Variants in MAPT observed in about 807,000 individuals in gnomAD.
MAPT encodes microtubule-associated protein tau.
A neutral mutation model predicts 67.9 loss-of-function variants in MAPT; 34 were observed. The ratio of observed to expected loss-of-function variants is 0.50; its 90% CI spans 0.38 to 0.67. The LOEUF is 0.67. MAPT is among the 30% of genes least tolerant of loss of function. The probability of loss-of-function intolerance (pLI) is 0.00; values close to 1 mark genes in which losing one functional copy is unlikely to be tolerated. For missense variants in MAPT, 881 were observed against 1,115.2 expected (o/e 0.79, Z 2.99); for synonymous variants, 456 against 464.5 (o/e 0.98, Z 0.23).
chr17:45,964,333 A>T (rs2070797185), intron 2 of MAPT, among the ~76,000 whole-genome samples: 1 of 148,792 alleles, frequency 6.7e-6, no homozygotes, highest in Non-Finnish European at 1.5e-5. Context: ...CATTAGGTAT[A>T]TCTCCTAATG....
intron 7 of MAPT, chr17:45,990,542 A>G (rs1043146047): frequency 2.3e-6 from 1 of 440,602 alleles, no homozygotes; most frequent in Non-Finnish European, 4.5e-6. Context: ...CTTGAACCCC[A>G]GAGGCAGAGG....
chr17:45,945,383 TC>T (rs570860484), intron 1 of MAPT, among the ~76,000 whole-genome samples: 34 of 152,286 alleles, frequency 2.2e-4, no homozygotes, highest in Admixed American at 1.5e-3. Flanking sequence ...TAAAAGCCAA[TC>T]CCTCCCCCTC....
intron 1 of MAPT, among the ~76,000 whole-genome samples, chr17:45,946,615 A>AAAAAAAATATATATATATATATATATAT: frequency 1.0e-5 from 1 of 100,402 alleles, no homozygotes. Flanking sequence ...AAAAAAAAAA[A>AAAAAAAATATATATATATATATATATAT]ATATATATAT....
chr17:45,964,439 G>A (rs557157191), intron 2 of MAPT, among the ~76,000 whole-genome samples: 3 of 147,184 alleles, frequency 2.0e-5, no homozygotes, highest in South Asian at 4.3e-4. Context: ...CAGCACTTTG[G>A]GAGGCTGCGG....
intron 1 of MAPT, among the ~76,000 whole-genome samples, chr17:45,904,123 TATATATTATATATG>T: frequency 2.9e-5 from 1 of 34,086 alleles, no homozygotes; most frequent in Non-Finnish European, 5.1e-5. Flanking sequence ...TATTATATAT[TATATATTATATATG>T]TATATATTAT....
At chr17:45,904,137 GTATATATTATATATGT>G (rs1376837759) in intron 1 of MAPT, among the ~76,000 whole-genome samples, 2 of 16,790 alleles carry the variant, frequency 1.2e-4, no homozygotes, top group Non-Finnish European at 2.2e-4. Context: ...TATTATATAT[GTATATATTATATATGT>G]TATATATTAT....
chr17:45,923,193 T>C (rs957794882), intron 1 of MAPT, among the ~76,000 whole-genome samples: 2 of 152,208 alleles, frequency 1.3e-5, no homozygotes, highest in African/African-American at 2.4e-5. Flanking sequence ...TAATAAATGC[T>C]AAGTCTCTCC....
At chr17:45,937,332 A>C (rs959901887) in intron 1 of MAPT, among the ~76,000 whole-genome samples, 5 of 152,154 alleles carry the variant, frequency 3.3e-5, no homozygotes, top group Non-Finnish European at 5.9e-5. Context: ...TCATGCCTGC[A>C]ATCCTAGCAC....
In MAPT at chr17:46,023,949, C is replaced by CTTG; in HGVS notation, c.2287-6_2287-4dup. ...ATCTCACCCTCCCTCCCTTCCTCTTCTTGCAGATTGAAACCCACAAGCTGA... is the reference window on the plus strand; with the variant it reads ...ATCTCACCCTCCCTCCCTTCCTCTTCTTGTTGCAGATTGAAACCCACAAGCTGA... On this transcript the variant is annotated splice_polypyrimidine_tract_variant and splice_region_variant and intron_variant, in intron 12 of 12. Transcript: ENST00000262410. The CTTG allele has an allele frequency of 6.2e-7, 1 of 1,613,394 alleles. No homozygotes were observed.
intron 1 of MAPT, among the ~76,000 whole-genome samples, chr17:45,936,653 A>G (rs551504229): frequency 1.2e-4 from 18 of 152,308 alleles, no homozygotes; most frequent in African/African-American, 4.1e-4. Flanking sequence ...ATTTTGATTT[A>G]AAGTGATCTT....
intron 1 of MAPT, chr17:45,898,053 A>G (rs9900655): frequency 6.6e-6 from 1 of 152,258 alleles, no homozygotes; most frequent in African/African-American, 2.4e-5. Context: ...CCCTCTACGT[A>G]AACAAATTAA....
rs1429637470 is a variant in MAPT at position 46,027,089 on chromosome 17, AG to A, written c.*2919del. 3.3e-5 allele frequency: 5 copies of A among 152,222 alleles called. No individual in the cohort carries two copies. The highest frequency in any genetic ancestry group is 1.3e-4 in the Admixed American group (2 of 15,278). The allele number at this position is 152,222 out of a possible 1,614,324, so 9.4% of individuals were successfully genotyped here. A position where few individuals can be genotyped will look rare whatever the true frequency, so the allele number is the denominator to read the frequency against. ...TGAGAAGGAGAAGGAAATGTGGGGT[AG>A]ATTTGGTGGTGGTTAGAGATATGCC... On this transcript the variant is annotated 3_prime_UTR_variant, in exon 13 of 13. Coordinates refer to ENST00000262410, the MANE Select transcript of MAPT (RefSeq NM_001377265.1).
intron 12 of MAPT, among the ~76,000 whole-genome samples, chr17:46,023,228 G>A (rs1046157703): frequency 5.3e-5 from 8 of 152,306 alleles, no homozygotes; most frequent in African/African-American, 1.7e-4. Context: ...CCACTTACAC[G>A]TGTGTGACAT....
At chr17:45,949,182 T>C (rs242561) in intron 1 of MAPT, among the ~76,000 whole-genome samples, 128,001 of 152,330 alleles carry the variant, frequency 0.84, 54,158 homozygotes, top group East Asian at 1. Context: ...GGGGCGATTC[T>C]GCTGAGTCAC....
intron 1 of MAPT, among the ~76,000 whole-genome samples, chr17:45,937,159 C>A (rs1466762518): frequency 6.6e-6 from 1 of 152,166 alleles, no homozygotes; most frequent in Non-Finnish European, 1.5e-5. Flanking sequence ...TCTTTGTACC[C>A]CCACTGTTGC....
intron 1 of MAPT, among the ~76,000 whole-genome samples, chr17:45,908,918 G>A (rs1380112721): frequency 1.3e-5 from 2 of 152,174 alleles, no homozygotes; most frequent in African/African-American, 4.8e-5. Flanking sequence ...GATCATTTCA[G>A]CCTATAAATT....
At chr17:46,006,984 A>AAAATAAAATAAAAT (rs1568322234) in intron 9 of MAPT, among the ~76,000 whole-genome samples, 22 of 85,524 alleles carry the variant, frequency 2.6e-4, no homozygotes, top group African/African-American at 7.4e-4. Context: ...TAAAATAAAT[A>AAAATAAAATAAAAT]AAATAAAATA....
At chr17:45,953,243 ACTTCATTTTGCT>A (rs2069268483) in intron 1 of MAPT, among the ~76,000 whole-genome samples, 1 of 152,200 alleles carries the variant, frequency 6.6e-6, no homozygotes, top group Non-Finnish European at 1.5e-5. Flanking sequence ...GAGAAGAGTC[ACTTCATTTTGCT>A]CTCCAGGGAC....
Position 45,996,017 on chromosome 17 carries a change from T to C in MAPT, c.1733-382T>C, listed in dbSNP as rs1185715150. 6.6e-6 allele frequency among the ~76,000 whole-genome samples: 1 copy of C among 152,160 alleles called. No homozygotes were observed. The highest frequency in any genetic ancestry group is 1.9e-4 in the East Asian group (1 of 5,188). ...ACGCTGGCCGCAGGGATTATAATTA[T>C]TTCCATTTTCAAATTAAGGCCTCTG... is the stretch of plus-strand genomic sequence containing the variant. On this transcript the variant is annotated intron_variant, in intron 8 of 12. Coordinates refer to ENST00000262410, the MANE Select transcript of MAPT (RefSeq NM_001377265.1). The surrounding 1 kb of genome is among the most constrained non-coding windows in gnomAD (Gnocchi z 4.5).
Sources: allele counts gnomAD v4.1 joint callset (sites outside exome capture counted in the v4.1 genomes callset), GRCh38; gene constraint gnomAD v4.1.1; non-coding constraint Gnocchi (gnomAD v3.1); transcripts MANE v1.5; gene names NCBI Gene and HGNC (gene_info 2026-07-23, HGNC 2026-07-21).